FBXO42: variants seen among roughly 807,000 people sequenced by gnomAD.
The protein encoded by FBXO42 is F-box protein 42, also known as F-box only protein 42.
A neutral mutation model predicts 71.7 loss-of-function variants in FBXO42; 12 were observed. That is an observed-to-expected ratio of 0.17 (90% CI 0.11 to 0.27). The LOEUF (loss-of-function observed/expected upper bound fraction) is 0.27. Ranked by LOEUF, FBXO42 falls within the 10% of genes least tolerant of loss-of-function variation. The probability of loss-of-function intolerance (pLI) is 1.00; values close to 1 mark genes in which losing one functional copy is unlikely to be tolerated. For synonymous variants in FBXO42, 325 were observed against 327.5 expected (o/e 0.99, Z 0.08); for missense variants, 707 against 911.9 (o/e 0.78, Z 2.89).
rs1462979586 is a variant in FBXO42 at position 16,341,988 on chromosome 1, AG to A, written c.-18+10266del. 3.1e-3 allele frequency among the ~76,000 whole-genome samples: 452 copies of A among 146,280 alleles called. 12 individuals carry two copies. The highest frequency in any genetic ancestry group is 3.2e-3 in the East Asian group (16 of 4,978). ...TTCCGTCTCCAAAAAAAAAAAAAAA[AG>A]TTCTGGGCCAGGCGCAGTGGCTCAT... is the stretch of plus-strand genomic sequence containing the variant. On this transcript the variant is annotated intron_variant, in intron 1 of 9. Coordinates refer to ENST00000375592, the MANE Select transcript of FBXO42 (RefSeq NM_018994.3).
chr1:16,316,298 T>C (rs2082365737), intron 1 of FBXO42, among the ~76,000 whole-genome samples: 1 of 152,128 alleles, frequency 6.6e-6, no homozygotes, highest in Non-Finnish European at 1.5e-5. Context: ...GCAACTGTGG[T>C]GTTTACCCCG....
intron 1 of FBXO42, among the ~76,000 whole-genome samples, chr1:16,329,382 G>A (rs374395016): frequency 2.0e-5 from 3 of 151,542 alleles, no homozygotes; most frequent in African/African-American, 7.3e-5. Flanking sequence ...TCAGGAGTTC[G>A]AGATCAGCCT....
chr1:16,352,239 G>A lies in FBXO42; in HGVS notation c.-18+16C>T, dbSNP rs1435814120. On this transcript the variant is annotated intron_variant, in intron 1 of 9. Coordinates refer to ENST00000375592, the MANE Select transcript of FBXO42 (RefSeq NM_018994.3). ...CCGGCTCCCCTCTGCGGCCCGGGGA[G>A]GAGGAGAGGCCTCACCTGGCCCAGC... 4 of 394,374 alleles carry A rather than the reference G, an allele frequency of 1.0e-5. No individual in the cohort carries two copies. Among genetic ancestry groups the A allele is most frequent in the East Asian group, 3.6e-5 (1 of 27,842 alleles). The allele number at this position is 394,374 out of a possible 1,614,324, so 24.4% of individuals were successfully genotyped here.
chr1:16,307,819 A>G (rs1409639356), intron 2 of FBXO42, among the ~76,000 whole-genome samples: 2 of 152,234 alleles, frequency 1.3e-5, no homozygotes. Flanking sequence ...ATGTTCATGG[A>G]TAGGATAAGA....
At chr1:16,303,589 CAG>C (rs1289853848) in intron 3 of FBXO42, among the ~76,000 whole-genome samples, 3 of 148,552 alleles carry the variant, frequency 2.0e-5, no homozygotes, top group Admixed American at 6.7e-5. Flanking sequence ...TTTTTTGAGA[CAG>C]AGTTTCGCTC....
rs369915198 is a variant in FBXO42, at chr1:16,309,216, C to T, written c.251-3297G>A. The stretch of plus-strand genomic sequence containing the variant: ...CCAAGTAGCTGGGATTACAGGCACG[C>T]GCCACCATACCCAGCTAATTTTTTT... On this transcript the variant is annotated intron_variant, in intron 2 of 9. Coordinates refer to ENST00000375592, the MANE Select transcript of FBXO42 (RefSeq NM_018994.3). 1.7e-3 allele frequency among the ~76,000 whole-genome samples: 263 copies of T among 151,024 alleles called. 2 individuals carry two copies. The highest frequency in any genetic ancestry group is 6.1e-3 in the African/African-American group (252 of 41,116).
chr1:16,315,395 T>C lies in FBXO42; in HGVS notation c.24A>G (p.Glu8=). MASSSDS[E]DDSFMAVDQE... ...GGTCCACAGCCATGAAACTGTCATC[T>C]TCACTGTCCGAGGAGCTGGCCATGA... is the stretch of plus-strand genomic sequence containing the variant. Residue 8 remains glutamate (E), a synonymous_variant, in exon 2 of 10, where the codon GAA becomes GAG. Transcript: ENST00000375592. The C allele has an allele frequency of 6.2e-7, 1 of 1,614,168 alleles. No individual in the cohort carries two copies. Among genetic ancestry groups the C allele is most frequent in the Non-Finnish European group, 8.5e-7 (1 of 1,180,028 alleles).
intron 4 of FBXO42, among the ~76,000 whole-genome samples, chr1:16,288,083 G>A (rs1023204370): frequency 1.3e-5 from 2 of 152,038 alleles, no homozygotes; most frequent in Non-Finnish European, 2.9e-5. Context: ...GAGATGGAGT[G>A]AGCCGAGATC....
rs186891225 is a variant in FBXO42, at chr1:16,343,778, G to A, written c.-18+8477C>T. 5.6e-3 allele frequency among the ~76,000 whole-genome samples: 836 copies of A among 149,590 alleles called. 33 individuals carry two copies. The highest frequency in any genetic ancestry group is 0.051 in the Admixed American group (747 of 14,770). On this transcript the variant is annotated intron_variant, in intron 1 of 9. Transcript: ENST00000375592. ...GTGGAGGTTGCAGTGAGCCCAGATC[G>A]TGCCATTGTACTTCAGCCTGGGTGA...
chr1:16,312,624 T>G lies in FBXO42; in HGVS notation c.250+2545A>C, dbSNP rs575196633. On this transcript the variant is annotated intron_variant, in intron 2 of 9. Coordinates refer to ENST00000375592, the MANE Select transcript of FBXO42 (RefSeq NM_018994.3). ...TATACATTCATCCAAACCCATAGAATGCACAACACCAAGCATGAACATTAA... is the reference window on the plus strand; with the variant it reads ...TATACATTCATCCAAACCCATAGAAGGCACAACACCAAGCATGAACATTAA... Among the ~76,000 whole-genome samples, 5 of 152,214 alleles carry G rather than the reference T, an allele frequency of 3.3e-5. No homozygotes were observed. The East Asian group carries it at 9.7e-4, about 29-fold the overall frequency.
chr1:16,326,697 A>G (rs1021306089), intron 1 of FBXO42, among the ~76,000 whole-genome samples: 5 of 151,830 alleles, frequency 3.3e-5, no homozygotes, highest in African/African-American at 4.8e-5. Context: ...AAAAAAAAAA[A>G]AAAGAAAAAA....
Position 16,251,323 on chromosome 1 carries a change from C to T in FBXO42, c.1501G>A (p.Asp501Asn), listed in dbSNP as rs751076545. The T allele has an allele frequency of 6.2e-7, 1 of 1,614,232 alleles. No individual in the cohort carries two copies. Among genetic ancestry groups the T allele is most frequent in the East Asian group, 2.2e-5 (1 of 44,878 alleles). Residue 501 changes from aspartate to asparagine, a missense_variant, in exon 10 of 10, where the codon GAT becomes AAT. By Grantham distance (23) the Asp-to-Asn change is conservative. Transcript: ENST00000375592. The surrounding 1 kb of genome is among the most constrained non-coding windows in gnomAD (Gnocchi z 4.5). ...GCGGGTTTCAGATCCCAATTCAGAT[C>T]TATGGATCCTAATCTCAGATCTTTC... ...DQKDLRLGSI[D>N]LNWDLKPASS...
At chr1:16,334,004 AG>A (rs2082526386) in intron 1 of FBXO42, among the ~76,000 whole-genome samples, 1 of 152,256 alleles carries the variant, frequency 6.6e-6, no homozygotes, top group African/African-American at 2.4e-5. Context: ...AAACTTCAAA[AG>A]GCTATATTCT....
Position 16,250,474 on chromosome 1 carries a change from A to AATAT in FBXO42, c.*192_*195dup, listed in dbSNP as rs527475077. The AATAT allele has an allele frequency of 0.016, 2,624 of 167,958 alleles. 74 individuals are homozygous for AATAT. The highest frequency in any genetic ancestry group is 0.06 in the African/African-American group (2,450 of 40,844). The allele number at this position is 167,958 out of a possible 1,614,324, so 10.4% of individuals were successfully genotyped here. Reference sequence around the variant, plus strand: ...TTTTTGTCAACAGAGTTGGCTATATAATATATATATATATATTTATATATA... The same window carrying AATAT: ...TTTTTGTCAACAGAGTTGGCTATATAATATATATATATATATATATTTATATATA... On this transcript the variant is annotated 3_prime_UTR_variant, in exon 10 of 10. Coordinates refer to ENST00000375592, the MANE Select transcript of FBXO42 (RefSeq NM_018994.3). This position sits in a 1 kb window ranked among gnomAD's most constrained non-coding sequence, Gnocchi z 4.7.
chr1:16,304,273 T>C (rs758655346), intron 3 of FBXO42, among the ~76,000 whole-genome samples: 3 of 151,734 alleles, frequency 2.0e-5, no homozygotes, highest in Admixed American at 1.3e-4. Flanking sequence ...TGTGCCACCA[T>C]GGCTGGTTAA....
chr1:16,264,821 C>T (rs1057001906), intron 4 of FBXO42, among the ~76,000 whole-genome samples: 1 of 152,224 alleles, frequency 6.6e-6, no homozygotes, highest in African/African-American at 2.4e-5. Flanking sequence ...ATAGGTTCAG[C>T]TGTTTCCCAA....
chr1:16,283,493 A>ATTT (rs2081986683), intron 4 of FBXO42, among the ~76,000 whole-genome samples: 4 of 64,624 alleles, frequency 6.2e-5, no homozygotes, highest in Non-Finnish European at 7.4e-5. Context: ...AACTGTGGCA[A>ATTT]GTTTTTTTTT....
intron 4 of FBXO42, among the ~76,000 whole-genome samples, chr1:16,270,376 T>C (rs901638415): frequency 2.0e-5 from 3 of 152,202 alleles, no homozygotes; most frequent in Non-Finnish European, 4.4e-5. Flanking sequence ...TAGATGGAGT[T>C]AGGCAGCAGT....
rs533604479 is a variant in FBXO42, at chr1:16,256,731, T to C, written c.531A>G (p.Ala177=). The change falls in exon 5 of 10, where the codon GCA becomes GCG. Residue 177 remains alanine (A), a synonymous_variant. Coordinates refer to ENST00000375592, the MANE Select transcript of FBXO42 (RefSeq NM_018994.3). ...GCAAGTCCTTGTACACGACCAGAGTTGCTCCAGCTTTGGGGGAAGGATAGG... is the reference window on the plus strand; with the variant it reads ...GCAAGTCCTTGTACACGACCAGAGTCGCTCCAGCTTTGGGGGAAGGATAGG... ...SGSYPSPKAG[A]TLVVYKDLLV... 2.5e-6 allele frequency: 4 copies of C among 1,614,174 alleles called. No individual in the cohort carries two copies. Among genetic ancestry groups the C allele is most frequent in the African/African-American group, 2.7e-5 (2 of 75,032 alleles).
Sources: allele counts gnomAD v4.1 joint callset (sites outside exome capture counted in the v4.1 genomes callset), GRCh38; gene constraint gnomAD v4.1.1; non-coding constraint Gnocchi (gnomAD v3.1); transcripts MANE v1.5; gene names NCBI Gene and HGNC (gene_info 2026-07-23, HGNC 2026-07-21).